Variants in MALRD1 observed in about 807,000 individuals in gnomAD.
MALRD1 encodes the protein MAM and LDL-receptor class A domain-containing protein 1.
A neutral mutation model predicts 242.1 loss-of-function variants in MALRD1; 247 were observed. The observed-to-expected ratio is 1.02, with a 90% confidence interval of 0.92 to 1.13. The LOEUF is 1.13. MALRD1 is among the 50% of genes most tolerant of loss of function. The pLI, the probability that MALRD1 is intolerant of heterozygous loss-of-function variation, is 0.00. For missense variants in MALRD1, 2,989 were observed against 2,533.1 expected (o/e 1.18, Z -3.86); for synonymous variants, 995 against 866.6 (o/e 1.15, Z -2.60).
rs79327645 is a variant in MALRD1 at position 19,491,514 on chromosome 10, T to C, written c.5030-3T>C. 263 of 1,549,410 alleles carry C rather than the reference T, an allele frequency of 1.7e-4. 1 individual carries two copies. The East Asian group carries it at 6.0e-3, about 35-fold the overall frequency. ...CTGCTTTTGTTTTTTTGTTTTTCCCTAGTGGGAGAGATCTCTGAGCTTTGT... is the reference window on the plus strand; with the variant it reads ...CTGCTTTTGTTTTTTTGTTTTTCCCCAGTGGGAGAGATCTCTGAGCTTTGT... On this transcript the variant is annotated splice_region_variant and splice_polypyrimidine_tract_variant and intron_variant, in intron 29 of 39. Transcript: ENST00000454679.
chr10:19,285,682 AGT>A (rs1841075862), intron 21 of MALRD1, among the ~76,000 whole-genome samples: 1 of 134,588 alleles, frequency 7.4e-6, no homozygotes, highest in African/African-American at 2.9e-5. Flanking sequence ...GAAGTCAGGT[AGT>A]GTGATGCCTC....
At chr10:19,599,712 TG>T (rs2131573200) in intron 34 of MALRD1, among the ~76,000 whole-genome samples, 1 of 151,958 alleles carries the variant, frequency 6.6e-6, no homozygotes, top group Admixed American at 6.6e-5. Context: ...ATAGTAAGAG[TG>T]GGGGGTTTTA....
At chr10:19,591,505 T>G (rs1018460617) in intron 33 of MALRD1, among the ~76,000 whole-genome samples, 8 of 150,944 alleles carry the variant, frequency 5.3e-5, no homozygotes, top group African/African-American at 9.7e-5. Context: ...TAGTTTTTTT[T>G]TTTTTTTTTT....
At chr10:19,341,354 T>C (rs1036748779) in intron 24 of MALRD1, among the ~76,000 whole-genome samples, 1 of 151,472 alleles carries the variant, frequency 6.6e-6, no homozygotes, top group Non-Finnish European at 1.5e-5. Context: ...TACATACACA[T>C]GTCCTGTTGT....
At chr10:19,465,369 G>A (rs528391284) in intron 29 of MALRD1, among the ~76,000 whole-genome samples, 18 of 152,090 alleles carry the variant, frequency 1.2e-4, no homozygotes, top group African/African-American at 4.3e-4. Context: ...TTTTTTATAA[G>A]GTAATTTCTG....
chr10:19,587,645 A>T (rs977064153), intron 33 of MALRD1, among the ~76,000 whole-genome samples: 2 of 152,240 alleles, frequency 1.3e-5, no homozygotes, highest in South Asian at 4.1e-4. Context: ...ACATTAAATG[A>T]ACAATGAAAC....
chr10:19,576,821 C>T (rs1186113741), intron 33 of MALRD1, among the ~76,000 whole-genome samples: 1 of 152,154 alleles, frequency 6.6e-6, no homozygotes, highest in Non-Finnish European at 1.5e-5. Flanking sequence ...ATCCTTAATC[C>T]TCCCCACAGG....
At chr10:19,493,431 C>T (rs1183125983) in intron 30 of MALRD1, 3 of 151,968 alleles carry the variant, frequency 2.0e-5, no homozygotes, top group African/African-American at 4.8e-5. Context: ...TATAAAATAT[C>T]ATGTATTTCT....
chr10:19,090,495 C>T (rs1216306024), intron 4 of MALRD1, among the ~76,000 whole-genome samples: 10 of 69,430 alleles, frequency 1.4e-4, no homozygotes, highest in African/African-American at 6.4e-4. Flanking sequence ...TGGGTTGAGA[C>T]GATGGGGTTT....
intron 21 of MALRD1, among the ~76,000 whole-genome samples, chr10:19,321,818 C>A (rs886454079): frequency 1.3e-5 from 2 of 152,032 alleles, no homozygotes; most frequent in African/African-American, 2.4e-5. Context: ...ATTAAAAAGA[C>A]TTTAGCAGGT....
intron 25 of MALRD1, 52 bp from the exon 26 acceptor site, chr10:19,351,954 A>G (rs1167323432): frequency 3.3e-5 from 46 of 1,376,382 alleles, no homozygotes; most frequent in Non-Finnish European, 4.2e-5. Context: ...AAATAATATC[A>G]TATTAATTAT....
intron 36 of MALRD1, among the ~76,000 whole-genome samples, chr10:19,641,952 C>T (rs1226400807): frequency 6.6e-6 from 1 of 151,928 alleles, no homozygotes; most frequent in African/African-American, 2.4e-5. Flanking sequence ...TAATAGGAGT[C>T]AAAAGATTGT....
intron 26 of MALRD1, among the ~76,000 whole-genome samples, chr10:19,369,699 A>G (rs1409675532): frequency 6.7e-6 from 1 of 150,364 alleles, no homozygotes; most frequent in Non-Finnish European, 1.5e-5. Flanking sequence ...CATATATTTA[A>G]ATATATATAA....
intron 18 of MALRD1, among the ~76,000 whole-genome samples, chr10:19,214,187 A>G (rs1321039874): frequency 2.0e-5 from 3 of 152,124 alleles, no homozygotes; most frequent in Admixed American, 6.5e-5. Context: ...GCTCATGTCA[A>G]CATGGTTTCT....
At chr10:19,584,684 A>G (rs1482346593) in intron 33 of MALRD1, among the ~76,000 whole-genome samples, 1 of 151,768 alleles carries the variant, frequency 6.6e-6, no homozygotes, top group African/African-American at 2.4e-5. Flanking sequence ...TGTGGTGCTG[A>G]AAAAAATGTA....
At chr10:19,568,854 C>T (rs1490123942) in intron 33 of MALRD1, among the ~76,000 whole-genome samples, 1 of 152,032 alleles carries the variant, frequency 6.6e-6, no homozygotes. Flanking sequence ...TTTTTTCACA[C>T]GAATTTGAAT....
intron 18 of MALRD1, among the ~76,000 whole-genome samples, chr10:19,236,628 A>T (rs933759891): frequency 1.3e-5 from 2 of 152,232 alleles, no homozygotes; most frequent in South Asian, 2.1e-4. Context: ...GCTTCACATC[A>T]GGGAAAATAA....
chr10:19,590,304 A>T (rs1382723528), intron 33 of MALRD1, among the ~76,000 whole-genome samples: 1 of 148,048 alleles, frequency 6.8e-6, no homozygotes, highest in East Asian at 1.9e-4. Context: ...TATATTATAT[A>T]TGTTATATAT....
intron 28 of MALRD1, among the ~76,000 whole-genome samples, chr10:19,397,234 A>G (rs1157300399): frequency 6.6e-6 from 1 of 151,982 alleles, no homozygotes. Context: ...ATCTCTCCCT[A>G]TCTTCACCTC....
Sources: allele counts gnomAD v4.1 joint callset (sites outside exome capture counted in the v4.1 genomes callset), GRCh38; gene constraint gnomAD v4.1.1; transcripts MANE v1.5; gene names NCBI Gene and HGNC (gene_info 2026-07-23, HGNC 2026-07-21).